Variants in IL1RAPL1 observed in about 807,000 individuals in gnomAD.
The protein encoded by IL1RAPL1 is interleukin-1 receptor accessory protein-like 1.
Under a neutral mutation model 48.4 loss-of-function variants are expected in IL1RAPL1, and 3 were observed. The ratio of observed to expected loss-of-function variants is 0.06; its 90% CI spans 0.03 to 0.16. IL1RAPL1 has a LOEUF of 0.16. Among genes scored for constraint, IL1RAPL1 ranks in the 10% least tolerant of loss-of-function variants. IL1RAPL1 has a pLI of 1.00. For synonymous variants in IL1RAPL1, 185 were observed against 187.7 expected (o/e 0.99, Z 0.12); for missense variants, 349 against 530.6 (o/e 0.66, Z 3.36).
At chrX:28,781,352 G>C (rs1229829640) in intron 1 of IL1RAPL1, among the ~76,000 whole-genome samples, 1 of 106,685 alleles carries the variant, frequency 9.4e-6, no homozygotes, top group African/African-American at 3.4e-5. Context: ...GAGTCCCTCA[G>C]CTCCTAGAGG....
Position 29,396,533 on chromosome X carries a change from G to A in IL1RAPL1, c.549+89G>A, listed in dbSNP as rs1485537258. 6 of 826,732 alleles carry A rather than the reference G, an allele frequency of 7.3e-6. No individual in the cohort carries two copies. In the African/African-American group the frequency reaches 8.0e-5, roughly 11 times the overall value. 68.1% of individuals were successfully genotyped at this position (826,732 alleles called of 1,213,427 possible). A position where few individuals can be genotyped will look rare whatever the true frequency, so the allele number is the denominator to read the frequency against. Reference sequence around the variant, plus strand: ...AATTGGATAGAAAACTTAGATGGGTGTGATATAGTTTAGCTTTGCCTTTCT... The same window carrying A: ...AATTGGATAGAAAACTTAGATGGGTATGATATAGTTTAGCTTTGCCTTTCT... On this transcript the variant is annotated intron_variant, in intron 4 of 10. Coordinates refer to ENST00000378993, the MANE Select transcript of IL1RAPL1 (RefSeq NM_014271.4).
At chrX:29,879,213 A>G (rs1247623272) in intron 6 of IL1RAPL1, among the ~76,000 whole-genome samples, 3 of 110,633 alleles carry the variant, frequency 2.7e-5, no homozygotes, top group Non-Finnish European at 3.8e-5. Context: ...AGATAAAACT[A>G]TAGTAATAGA....
At chrX:28,961,905 A>G (rs1422964612) in intron 2 of IL1RAPL1, among the ~76,000 whole-genome samples, 1 of 112,044 alleles carries the variant, frequency 8.9e-6, no homozygotes, top group East Asian at 2.8e-4. Context: ...AGACAATAGT[A>G]TGAACTTTTC....
At chrX:29,935,438 T>G (rs1272530014) in intron 8 of IL1RAPL1, among the ~76,000 whole-genome samples, 1 of 111,709 alleles carries the variant, frequency 9.0e-6, no homozygotes, top group Non-Finnish European at 1.9e-5. Context: ...TAGGGAGAGC[T>G]TTCCCTTCTT....
chrX:28,774,694 G>A (rs181844720), intron 1 of IL1RAPL1, among the ~76,000 whole-genome samples: 1 of 111,447 alleles, frequency 9.0e-6, no homozygotes, highest in African/African-American at 3.3e-5. Context: ...AAGTCACTAG[G>A]TCCATTTCTC....
chrX:29,203,854 C>T (rs935575860), intron 2 of IL1RAPL1, among the ~76,000 whole-genome samples: 1 of 107,067 alleles, frequency 9.3e-6, no homozygotes, highest in Non-Finnish European at 1.9e-5. Flanking sequence ...TTTCCTCCCC[C>T]TCTCTCTACC....
At chrX:29,150,036 A>G (rs757686718) in intron 2 of IL1RAPL1, among the ~76,000 whole-genome samples, 1 of 112,138 alleles carries the variant, frequency 8.9e-6, no homozygotes, top group South Asian at 3.7e-4. Context: ...TAAAATGGGA[A>G]TAATAATGCA....
chrX:28,734,596 A>G (rs1197230426), intron 1 of IL1RAPL1, among the ~76,000 whole-genome samples: 1 of 108,358 alleles, frequency 9.2e-6, no homozygotes, highest in Non-Finnish European at 1.9e-5. Context: ...TTAAAACTAT[A>G]ACTCTCTAAC....
At chrX:28,912,004 G>C (rs1002567397) in intron 2 of IL1RAPL1, among the ~76,000 whole-genome samples, 2 of 104,256 alleles carry the variant, frequency 1.9e-5, no homozygotes, top group African/African-American at 7.0e-5. Context: ...CTTGAAGACA[G>C]TATGGTAACA....
intron 6 of IL1RAPL1, among the ~76,000 whole-genome samples, chrX:29,684,723 C>T (rs1926568534): frequency 9.0e-6 from 1 of 111,603 alleles, no homozygotes; most frequent in Admixed American, 9.5e-5. Context: ...GTACTTAGGA[C>T]ATTCATGAAC....
chrX:29,632,378 T>C (rs1924805667), intron 5 of IL1RAPL1, among the ~76,000 whole-genome samples: 1 of 110,495 alleles, frequency 9.1e-6, no homozygotes, highest in South Asian at 3.9e-4. Flanking sequence ...CTCGATCTCC[T>C]GACCCCGTGA....
intron 3 of IL1RAPL1, among the ~76,000 whole-genome samples, chrX:29,341,325 C>A (rs778027950): frequency 1.8e-5 from 2 of 112,015 alleles, no homozygotes; most frequent in Non-Finnish European, 3.8e-5. Flanking sequence ...ATGAAGCGTG[C>A]TAATTTGTGG....
intron 5 of IL1RAPL1, among the ~76,000 whole-genome samples, chrX:29,666,152 T>C (rs1189399226): frequency 9.0e-6 from 1 of 111,381 alleles, no homozygotes; most frequent in East Asian, 2.8e-4. Context: ...TTATTAAAGT[T>C]TTTTAACTAC....
At chrX:29,401,758 T>G (rs1461754686) in intron 5 of IL1RAPL1, among the ~76,000 whole-genome samples, 2 of 110,840 alleles carry the variant, frequency 1.8e-5, no homozygotes, top group Non-Finnish European at 3.8e-5. Context: ...GCAGGCAGCA[T>G]CGTGAGCTTT....
chrX:29,389,313 G>A (rs897343840), intron 3 of IL1RAPL1, among the ~76,000 whole-genome samples: 2 of 95,084 alleles, frequency 2.1e-5, no homozygotes, highest in African/African-American at 4.2e-5. Context: ...CCGAGATTGC[G>A]CCACTGCACT....
intron 5 of IL1RAPL1, among the ~76,000 whole-genome samples, chrX:29,413,589 G>A (rs961679824): frequency 2.9e-5 from 3 of 103,522 alleles, no homozygotes; most frequent in African/African-American, 1.1e-4. Flanking sequence ...CCACCTATGA[G>A]TGAGAACATG....
chrX:29,636,227 C>A (rs1602338652), intron 5 of IL1RAPL1, among the ~76,000 whole-genome samples: 1 of 111,539 alleles, frequency 9.0e-6, no homozygotes, highest in East Asian at 2.8e-4. Flanking sequence ...TAAACTCGTG[C>A]AAAAAATGGT....
intron 5 of IL1RAPL1, among the ~76,000 whole-genome samples, chrX:29,620,212 T>C (rs1602330372): frequency 1.8e-5 from 2 of 112,155 alleles, no homozygotes; most frequent in South Asian, 3.7e-4. Flanking sequence ...TGACTAGCTT[T>C]AAGACAATAG....
At position 29,956,328 on chromosome X, in the gene IL1RAPL1, GAA is replaced by G. The variant is rs765911053; in HGVS notation, c.*529_*530del. On this transcript the variant is annotated 3_prime_UTR_variant, in exon 11 of 11. Transcript: ENST00000378993. The stretch of plus-strand genomic sequence containing the variant: ...CAAATGCCAGCATTGCCATTCGGGG[GAA>G]AAAAAAAAAAAAAAAAAAAAGATGA... 27 of 55,829 alleles carry G rather than the reference GAA, an allele frequency of 4.8e-4. No homozygotes were observed. The highest frequency in any genetic ancestry group is 1.1e-3 in the East Asian group (2 of 1,754). The allele number at this position is 55,829 out of a possible 1,213,427, so 4.6% of individuals were successfully genotyped here.
Sources: gnomAD v4.1 joint callset for allele counts (sites outside exome capture counted in the v4.1 genomes callset) on GRCh38, gnomAD v4.1.1 for gene constraint, MANE v1.5 for transcripts, NCBI Gene and HGNC (gene_info 2026-07-23, HGNC 2026-07-21) for gene names.